Variants in SEMA3C observed in about 807,000 individuals in gnomAD.
SEMA3C encodes the protein semaphorin-3C.
In SEMA3C, 47 loss-of-function variants were observed where a neutral mutation model predicts 89.4. That is an observed-to-expected ratio of 0.53 (90% confidence interval 0.42 to 0.67). The LOEUF is 0.67. Ranked by LOEUF, SEMA3C falls within the 30% of genes least tolerant of loss-of-function variation. The probability of loss-of-function intolerance (pLI) is 0.00; values close to 1 mark genes in which losing one functional copy is unlikely to be tolerated. For missense variants in SEMA3C, 839 were observed against 929.1 expected, an observed-to-expected ratio of 0.90 and a Z score of 1.26; for synonymous variants, 310 against 320.2, an observed-to-expected ratio of 0.97 and a Z score of 0.34.
At chr7:80,825,061 GTATT>G (rs1789839638) in intron 4 of SEMA3C, among the ~76,000 whole-genome samples, 1 of 152,136 alleles carries the variant, frequency 6.6e-6, no homozygotes, top group South Asian at 2.1e-4. Flanking sequence ...TTATTAGATA[GTATT>G]TATTCCAACT....
chr7:80,791,689 T>C (rs1788943650), intron 11 of SEMA3C, among the ~76,000 whole-genome samples: 1 of 152,190 alleles, frequency 6.6e-6, no homozygotes, highest in Admixed American at 6.5e-5. Flanking sequence ...AGATAGAATG[T>C]GGAATTTTAT....
rs1562911996 is a variant in SEMA3C, at chr7:80,863,856, C to CACATATATATGTATCACATAT, written c.104-35112_104-35111insATATGTGATACATATATATGT. 5.9e-5 allele frequency among the ~76,000 whole-genome samples: 8 copies of CACATATATATGTATCACATAT among 136,730 alleles called. No homozygotes were observed. In the East Asian group the frequency reaches 1.9e-3, roughly 33 times the overall value. The allele number at this position is 136,730 out of a possible 152,430, so 89.7% of individuals were successfully genotyped here. ...TGATATATATATCACATATCACATACATATGTATCACATATATATGTATCA... is the reference window on the plus strand; with the variant it reads ...TGATATATATATCACATATCACATACACATATATATGTATCACATATATATGTATCACATATATATGTATCA... On this transcript the variant is annotated intron_variant, in intron 2 of 17. Transcript: ENST00000265361.
intron 5 of SEMA3C, among the ~76,000 whole-genome samples, chr7:80,813,449 T>G (rs1489047429): frequency 6.6e-6 from 1 of 152,144 alleles, no homozygotes; most frequent in Non-Finnish European, 1.5e-5. Context: ...CCTAACTTAT[T>G]CTCAACTCAC....
chr7:80,790,805 CTGTT>C (rs1023754473), intron 11 of SEMA3C, among the ~76,000 whole-genome samples: 10 of 152,172 alleles, frequency 6.6e-5, no homozygotes, highest in Admixed American at 6.5e-4. Flanking sequence ...TCTTTATTGT[CTGTT>C]TCTCCCTCTA....
intron 15 of SEMA3C, among the ~76,000 whole-genome samples, chr7:80,755,861 T>C (rs1291252791): frequency 3.9e-5 from 6 of 152,160 alleles, no homozygotes; most frequent in South Asian, 2.1e-4. Context: ...TCCAGCCCCA[T>C]ATTAAGATGA....
At chr7:80,856,009 A>G (rs1231885756) in intron 2 of SEMA3C, among the ~76,000 whole-genome samples, 2 of 152,198 alleles carry the variant, frequency 1.3e-5, no homozygotes, top group East Asian at 3.9e-4. Context: ...CTTCCTAAAA[A>G]AGGTCACATC....
chr7:80,850,297 G>A (rs1790481712), intron 2 of SEMA3C, among the ~76,000 whole-genome samples: 1 of 152,046 alleles, frequency 6.6e-6, no homozygotes, highest in Non-Finnish European at 1.5e-5. Context: ...TCAATTTCTA[G>A]TTATATACCA....
chr7:80,830,933 T>A (rs1193138955), intron 2 of SEMA3C, among the ~76,000 whole-genome samples: 3 of 151,992 alleles, frequency 2.0e-5, no homozygotes, highest in Non-Finnish European at 4.4e-5. Flanking sequence ...GCTGAGAACA[T>A]GGGAGAGAAT....
intron 15 of SEMA3C, among the ~76,000 whole-genome samples, chr7:80,757,701 T>C (rs1788095811): frequency 6.6e-6 from 1 of 152,208 alleles, no homozygotes; most frequent in Non-Finnish European, 1.5e-5. Context: ...CCGGGAGCGG[T>C]GGCTCACGCC....
intron 12 of SEMA3C, among the ~76,000 whole-genome samples, chr7:80,770,748 T>G (rs2117072222): frequency 6.6e-6 from 1 of 152,302 alleles, no homozygotes; most frequent in South Asian, 2.1e-4. Context: ...AGCATACCCT[T>G]GCCCCTGTGA....
At chr7:80,922,245 G>A (rs747803190), upstream of SEMA3C, 18 of 1,287,506 alleles carry the variant, frequency 1.4e-5, no homozygotes, top group South Asian at 2.0e-4. Flanking sequence ...TTTTCAATAA[G>A]TTTCAATACT....
intron 2 of SEMA3C, among the ~76,000 whole-genome samples, chr7:80,902,398 TAC>T (rs1791903148): frequency 6.6e-6 from 1 of 152,234 alleles, no homozygotes; most frequent in African/African-American, 2.4e-5. Flanking sequence ...TCCTATCAGT[TAC>T]ACAGTTTTTT....
chr7:80,751,177 G>A (rs530057890), intron 16 of SEMA3C, 92 bp downstream of exon 16: 94 of 1,028,084 alleles, frequency 9.1e-5, no homozygotes, highest in African/African-American at 3.7e-4. Flanking sequence ...AAAGTGAAAC[G>A]CCTGAATCTA....
intron 11 of SEMA3C, chr7:80,793,414 T>G (rs773795819): frequency 4.9e-6 from 2 of 409,976 alleles, no homozygotes; most frequent in Non-Finnish European, 9.5e-6. Context: ...CTTGAGCATA[T>G]TTTATCCAAA....
upstream of SEMA3C, chr7:80,922,305 CTCTT>C: frequency 2.3e-6 from 3 of 1,288,436 alleles, no homozygotes; most frequent in Non-Finnish European, 3.0e-6. Flanking sequence ...CTACTTCCCT[CTCTT>C]TCTCCTTCAC....
chr7:80,847,819 T>G (rs946467370), intron 2 of SEMA3C, among the ~76,000 whole-genome samples: 1 of 152,170 alleles, frequency 6.6e-6, no homozygotes, highest in Admixed American at 6.5e-5. Flanking sequence ...ACAACAACCT[T>G]GTTCATACAA....
chr7:80,796,960 G>T (rs1032920079), intron 11 of SEMA3C, among the ~76,000 whole-genome samples: 1 of 151,702 alleles, frequency 6.6e-6, no homozygotes, highest in Admixed American at 6.6e-5. Context: ...AAACAATATT[G>T]CAAATAAACT....
intron 5 of SEMA3C, among the ~76,000 whole-genome samples, chr7:80,811,204 A>C (rs1260857771): frequency 6.6e-6 from 1 of 152,186 alleles, no homozygotes; most frequent in Non-Finnish European, 1.5e-5. Context: ...TGTGTCATTT[A>C]CTCATGACTT....
At chr7:80,785,169 G>A (rs1788774060) in intron 12 of SEMA3C, among the ~76,000 whole-genome samples, 1 of 152,108 alleles carries the variant, frequency 6.6e-6, no homozygotes, top group South Asian at 2.1e-4. Context: ...CACGATAATG[G>A]TATTGGGCTA....
Sources: allele counts gnomAD v4.1 joint callset (sites outside exome capture counted in the v4.1 genomes callset), GRCh38; gene constraint gnomAD v4.1.1; transcripts MANE v1.5; gene names NCBI Gene and HGNC (gene_info 2026-07-23, HGNC 2026-07-21).